Variants in PARP1 observed in about 807,000 individuals in gnomAD.
PARP1 encodes the protein poly [ADP-ribose] polymerase 1.
PARP1 carries 44 observed loss-of-function variants against 118.7 expected under a neutral mutation model. The observed-to-expected ratio is 0.37, with a 90% CI of 0.29 to 0.48. The LOEUF is 0.48. Among genes scored for constraint, PARP1 ranks in the 20% least tolerant of loss-of-function variants. The probability of loss-of-function intolerance (pLI) is 0.99; values close to 1 mark genes in which losing one functional copy is unlikely to be tolerated. For synonymous variants in PARP1, 492 were observed against 483.2 expected, an observed-to-expected ratio of 1.02 and a Z score of -0.24; for missense variants, 1,100 against 1,272.4, an observed-to-expected ratio of 0.86 and a Z score of 2.06.
At chr1:226,378,557 GC>G (rs1364266988) in intron 12 of PARP1, among the ~76,000 whole-genome samples, 2 of 152,186 alleles carry the variant, frequency 1.3e-5, no homozygotes, top group Non-Finnish European at 2.9e-5. Flanking sequence ...TGAAAGAAAA[GC>G]CAGCTGGGGC....
intron 4 of PARP1, 80 bp from the exon 5 acceptor site, chr1:226,388,835 T>C: frequency 1.9e-6 from 2 of 1,052,062 alleles, no homozygotes; most frequent in Non-Finnish European, 3.0e-6. Flanking sequence ...ATGCAGTATC[T>C]TAATGTCATT....
intron 2 of PARP1, among the ~76,000 whole-genome samples, chr1:226,397,996 A>T (rs1016584485): frequency 1.2e-4 from 19 of 152,144 alleles, no homozygotes; most frequent in Admixed American, 6.5e-4. Context: ...AGGAATCTAG[A>T]CACAGACCTT....
intron 7 of PARP1, among the ~76,000 whole-genome samples, chr1:226,384,272 G>C (rs1371125249): frequency 6.6e-6 from 1 of 152,164 alleles, no homozygotes; most frequent in African/African-American, 2.4e-5. Context: ...GGGGAGAGGG[G>C]TATGTGAGAA....
chr1:226,363,179 T>G lies in PARP1; in HGVS notation c.2787-19A>C, dbSNP rs769153016. On this transcript the variant is annotated intron_variant, in intron 20 of 22. Coordinates refer to ENST00000366794, the MANE Select transcript of PARP1 (RefSeq NM_001618.4). ...TTCATACCTATTCAAAAGAGGACAG[T>G]CTCAGAAGAGGCCTTCACACTGGGC... is the stretch of plus-strand genomic sequence containing the variant. 3.8e-6 allele frequency: 6 copies of G among 1,597,100 alleles called. No homozygotes were observed. The African/African-American group carries it at 5.4e-5, about 14-fold the overall frequency.
chr1:226,380,199 A>T (rs777385344), intron 9 of PARP1, 35 bp from the exon 10 acceptor site: 60 of 1,608,534 alleles, frequency 3.7e-5, no homozygotes, highest in Non-Finnish European at 5.0e-5. Context: ...ACCAAAATAC[A>T]AGTTTAAAAC....
Position 226,383,092 on chromosome 1 carries a change from G to C in PARP1, c.1103C>G (p.Thr368Arg). The C allele has an allele frequency of 6.2e-7, 1 of 1,613,140 alleles. No individual in the cohort carries two copies. Among genetic ancestry groups the C allele is most frequent in the Non-Finnish European group, 8.5e-7 (1 of 1,179,988 alleles). ...AGCCGAGGCTGTGGAGGGCGGAGGCGTGGCCGCCACGGAGGCGCTGGTTTC... is the reference window on the plus strand; with the variant it reads ...AGCCGAGGCTGTGGAGGGCGGAGGCCTGGCCGCCACGGAGGCGCTGGTTTC... ...PPETSASVAA[T>R]PPPSTASAPA... is the part of the protein sequence containing the mutation. The change falls in exon 8 of 23, where the codon ACG (threonine) becomes AGG (arginine). Residue 368 changes from threonine to arginine, a missense_variant. Transcript: ENST00000366794.
At chr1:226,407,709 G>GGGCCCA (rs1665180215) in intron 1 of PARP1, 101 bp downstream of exon 1, 3 of 1,244,114 alleles carry the variant, frequency 2.4e-6, no homozygotes, top group African/African-American at 1.6e-5. Flanking sequence ...CCGAGGGCCC[G>GGGCCCA]GGCCCGCTCG....
intron 6 of PARP1, among the ~76,000 whole-genome samples, chr1:226,385,954 C>T (rs962636103): frequency 1.6e-4 from 24 of 152,146 alleles, no homozygotes; most frequent in African/African-American, 5.8e-4. Flanking sequence ...ACTGGCATTG[C>T]AGAAAGTACA....
intron 7 of PARP1, among the ~76,000 whole-genome samples, chr1:226,383,546 G>A (rs547532073): frequency 1.8e-4 from 28 of 152,264 alleles, no homozygotes; most frequent in African/African-American, 5.5e-4. Context: ...TGCTCCCTTC[G>A]AGAGTTAATA....
In PARP1 at chr1:226,407,839, C is replaced by G. The variant is rs756350417; in HGVS notation, c.91G>C (p.Asp31His). 2 of 1,595,286 alleles carry G rather than the reference C, an allele frequency of 1.3e-6. No individual in the cohort carries two copies. Among genetic ancestry groups the G allele is most frequent in the Non-Finnish European group, 1.7e-6 (2 of 1,171,408 alleles). The change falls in exon 1 of 23, where the codon GAC (aspartate) becomes CAC (histidine). Residue 31 changes from aspartate to histidine, a missense_variant. By Grantham distance (81) the Asp-to-His change is moderately conservative (BLOSUM62 -1). Around this residue, in one of 2 missense-constraint regions of PARP1, gnomAD observed 948 missense variants for 1,031.8 expected, o/e 0.92. Transcript: ENST00000366794. ...ACCATGATGGCCATCCGGAGCGAGT[C>G]CTTGGGGATGCTCTCGCTGCATTTC... is the stretch of plus-strand genomic sequence containing the variant. ...CKKCSESIPK[D>H]SLRMAIMVQS...
At chr1:226,389,703 T>C (rs1664786757) in intron 4 of PARP1, among the ~76,000 whole-genome samples, 1 of 152,200 alleles carries the variant, frequency 6.6e-6, no homozygotes, top group Admixed American at 6.5e-5. Context: ...GCTGCTGCAA[T>C]GAACAGGCGT....
Position 226,377,571 on chromosome 1 carries a change from G to A in PARP1, c.1746-268C>T, listed in dbSNP as rs3219087. ...CAGCCAAGCCTGAGGACTGAATCCT[G>A]GAGTCTGGAGACCTTTGCATAAAAA... On this transcript the variant is annotated intron_variant, in intron 12 of 22. Transcript: ENST00000366794. Among the ~76,000 whole-genome samples the A allele has an allele frequency of 2.0e-4, 31 of 152,280 alleles. No individual in the cohort carries two copies. In the East Asian group the frequency reaches 4.8e-3, roughly 24 times the overall value.
At chr1:226,373,792 T>C (rs1459243345) in intron 14 of PARP1, among the ~76,000 whole-genome samples, 1 of 152,182 alleles carries the variant, frequency 6.6e-6, no homozygotes, top group Non-Finnish European at 1.5e-5. Context: ...GCATGGCTAA[T>C]ACACCTTGCC....
At chr1:226,390,928 A>T (rs1212010380) in intron 3 of PARP1, among the ~76,000 whole-genome samples, 1 of 151,976 alleles carries the variant, frequency 6.6e-6, no homozygotes. Context: ...TGGGGCAGGC[A>T]TAAAAACACA....
intron 1 of PARP1, among the ~76,000 whole-genome samples, chr1:226,402,693 C>A (rs1665061599): frequency 6.6e-6 from 1 of 152,242 alleles, no homozygotes. Flanking sequence ...TCCCTTTTGA[C>A]CACACACTGC....
At position 226,393,606 on chromosome 1, in the gene PARP1, G is replaced by T. The variant is rs556033444; in HGVS notation, c.287-1292C>A. On this transcript the variant is annotated intron_variant, in intron 2 of 22. Transcript: ENST00000366794. ...GCATTGCTCTGAGTGAAGAAAGCGT[G>T]TAAGAGGGTATACAATTCCTTTTCT... Among the ~76,000 whole-genome samples, 164 of 152,340 alleles carry T rather than the reference G, an allele frequency of 1.1e-3. 1 individual carries two copies. Among genetic ancestry groups the T allele is most frequent in the African/African-American group, 3.8e-3 (157 of 41,566 alleles).
intron 2 of PARP1, among the ~76,000 whole-genome samples, chr1:226,400,953 C>T (rs1020788540): frequency 1.3e-5 from 2 of 152,224 alleles, no homozygotes; most frequent in Admixed American, 1.3e-4. Flanking sequence ...AGCTTGACAG[C>T]GTATGGCACT....
intron 2 of PARP1, among the ~76,000 whole-genome samples, chr1:226,400,520 G>A (rs551649652): frequency 3.2e-4 from 48 of 152,318 alleles, no homozygotes; most frequent in African/African-American, 1.0e-3. Flanking sequence ...TGGGCTACCT[G>A]ACAGTGGCTG....
At position 226,402,214 on chromosome 1, in the gene PARP1, C is replaced by T. The variant is rs2102747102; in HGVS notation, c.286G>A (p.Gly96Ser). The change falls in exon 2 of 23, where the codon GGC (glycine) becomes AGC (serine). Residue 96 changes from glycine to serine, a missense_variant and splice_region_variant. Physicochemically the swap from Gly to Ser is moderately conservative, Grantham distance 56. Coordinates refer to ENST00000366794, the MANE Select transcript of PARP1 (RefSeq NM_001618.4). The stretch of plus-strand genomic sequence containing the variant: ...CCATGCTGCCCCAGTATGTACACAC[C>T]TGTCACTCCTCCAGCTTCCGCTGTC... ...KKTAEAGGVT[G>S]KGQDGIGSKA... 1 of 1,614,216 alleles carries T rather than the reference C, an allele frequency of 6.2e-7. No individual in the cohort carries two copies. The highest frequency in any genetic ancestry group is 8.5e-7 in the Non-Finnish European group (1 of 1,180,044).
Sources: gnomAD v4.1 joint callset for allele counts (sites outside exome capture counted in the v4.1 genomes callset) on GRCh38, gnomAD v4.1.1 for gene constraint, gnomAD v4.1.1 regional missense constraint, MANE v1.5 for transcripts, NCBI Gene and HGNC (gene_info 2026-07-23, HGNC 2026-07-21) for gene names.